RAET1G: variants seen among roughly 807,000 people sequenced by gnomAD.
The protein encoded by RAET1G is UL-16 binding protein 5.
RAET1G carries 25 observed loss-of-function variants against 29.5 expected under a neutral mutation model. The ratio of observed to expected loss-of-function variants is 0.85; its 90% CI spans 0.62 to 1.18. The LOEUF is 1.18. RAET1G is among the 50% of genes most tolerant of loss of function. The pLI, the probability that RAET1G is intolerant of heterozygous loss-of-function variation, is 0.00. For missense variants in RAET1G, 434 were observed against 423.6 expected, an observed-to-expected ratio of 1.02 and a Z score of -0.22; for synonymous variants, 167 against 159.5, an observed-to-expected ratio of 1.05 and a Z score of -0.36.
At chr6:149,920,096 G>C (rs1778563602) in intron 1 of RAET1G, among the ~76,000 whole-genome samples, 1 of 152,218 alleles carries the variant, frequency 6.6e-6, no homozygotes, top group African/African-American at 2.4e-5. Context: ...CCTTGCTAGA[G>C]AGGTGCCAGG....
intron 4 of RAET1G, among the ~76,000 whole-genome samples, chr6:149,917,322 C>A (rs1474088413): frequency 6.6e-6 from 1 of 152,178 alleles, no homozygotes; most frequent in Non-Finnish European, 1.5e-5. Context: ...GGAGCAGAGT[C>A]TTCTCTAACT....
At chr6:149,921,884 A>C (rs1284053719) in intron 1 of RAET1G, among the ~76,000 whole-genome samples, 17 of 152,138 alleles carry the variant, frequency 1.1e-4, no homozygotes, top group Admixed American at 1.1e-3. Flanking sequence ...TAGGGTCAGC[A>C]ACCTAGGACA....
chr6:149,919,187 G>T lies in RAET1G; in HGVS notation c.487C>A (p.Pro163Thr). 6.2e-7 allele frequency: 1 copy of T among 1,614,210 alleles called. No individual in the cohort carries two copies. The highest frequency in any genetic ancestry group is 8.5e-7 in the Non-Finnish European group (1 of 1,180,054). Residue 163 changes from proline to threonine, a missense_variant, in exon 3 of 5, where the codon CCT (proline) becomes ACT (threonine). Physicochemically the swap from Pro to Thr is conservative, Grantham distance 38 (BLOSUM62 -1). Coordinates refer to ENST00000367360, the MANE Select transcript of RAET1G (RefSeq NM_001001788.4). ...TTTTCTTTCATCTTTCTGGCTCCAGGATGAACCGTTGTCCACATTCTGTTT... is the reference window on the plus strand; with the variant it reads ...TTTTCTTTCATCTTTCTGGCTCCAGTATGAACCGTTGTCCACATTCTGTTT... ...SENRMWTTVH[P>T]GARKMKEKWE...
intron 1 of RAET1G, among the ~76,000 whole-genome samples, chr6:149,922,262 C>G (rs751711581): frequency 2.0e-5 from 3 of 152,070 alleles, no homozygotes; most frequent in Non-Finnish European, 2.9e-5. Flanking sequence ...GAAGGTGTCA[C>G]GTGGTGTAAG....
Position 149,919,039 on chromosome 6 carries a change from T to C in RAET1G, c.631+4A>G. 1 of 1,613,524 alleles carries C rather than the reference T, an allele frequency of 6.2e-7. No homozygotes were observed. Among genetic ancestry groups the C allele is most frequent in the Non-Finnish European group, 8.5e-7 (1 of 1,179,732 alleles). On this transcript the variant is annotated splice_donor_region_variant and intron_variant, in intron 3 of 4. Transcript: ENST00000367360. The stretch of plus-strand genomic sequence containing the variant: ...GAGATCCCCATTTCTTTTTCTCCTG[T>C]TACCTCCTGCACTTGGCTCCAGGGT...
intron 1 of RAET1G, among the ~76,000 whole-genome samples, chr6:149,921,210 C>T (rs1382497556): frequency 1.1e-4 from 17 of 152,226 alleles, no homozygotes; most frequent in Admixed American, 1.1e-3. Context: ...ATGAGCGAGG[C>T]TGGACCTGCC....
Position 149,917,073 on chromosome 6 carries a change from A to G in RAET1G, c.844T>C (p.Tyr282His), listed in dbSNP as rs1228005462. The G allele has an allele frequency of 2.6e-6, 4 of 1,545,412 alleles. No homozygotes were observed. The highest frequency in any genetic ancestry group is 2.6e-6 in the Non-Finnish European group (3 of 1,144,360). The change falls in exon 5 of 5, where the codon TAC (tyrosine) becomes CAC (histidine). Residue 282 changes from tyrosine (Y) to histidine (H), a missense_variant and splice_region_variant. By Grantham distance (83) the Tyr-to-His change is moderately conservative. Transcript: ENST00000367360. Reference protein sequence around the residue: ...LLRRVLWSDSYQIAKRPLSGG... With the variant: ...LLRRVLWSDSHQIAKRPLSGG... ...GACAAGGGGCGCTTCGCTATTTGGT[A>G]GCTGAGGCGGAGAGAGAGAGGACAG...
At chr6:149,920,019 C>G (rs1778561519) in intron 1 of RAET1G, among the ~76,000 whole-genome samples, 1 of 152,208 alleles carries the variant, frequency 6.6e-6, no homozygotes, top group African/African-American at 2.4e-5. Flanking sequence ...AGGTCCCTGC[C>G]TGCTGAGAAA....
At chr6:149,919,021 C>G in intron 3 of RAET1G, 22 bp downstream of exon 3, 1 of 1,612,510 alleles carries the variant, frequency 6.2e-7, no homozygotes, top group Non-Finnish European at 8.5e-7. Flanking sequence ...TTGGAGATCC[C>G]CATTTCTTTT....
intron 1 of RAET1G, among the ~76,000 whole-genome samples, chr6:149,921,180 C>A (rs1034153537): frequency 6.6e-6 from 1 of 152,244 alleles, no homozygotes; most frequent in Non-Finnish European, 1.5e-5. Context: ...AGCGCAAAGG[C>A]AGCCACAGGC....
chr6:149,919,820 T>C lies in RAET1G; in HGVS notation c.86-4A>G. The C allele has an allele frequency of 6.2e-7, 1 of 1,611,880 alleles. No homozygotes were observed. Among genetic ancestry groups the C allele is most frequent in the Non-Finnish European group, 8.5e-7 (1 of 1,179,818 alleles). On this transcript the variant is annotated splice_region_variant and splice_polypyrimidine_tract_variant and intron_variant, in intron 1 of 4. Coordinates refer to ENST00000367360, the MANE Select transcript of RAET1G (RefSeq NM_001001788.4). ...TCATAGCAAAGAGAGTGAGGGTCTG[T>C]GGAGAAAGGCAGGTGAGGGGTGGGT...
rs113178509 is a variant in RAET1G, at chr6:149,919,651, G to A, written c.251C>T (p.Thr84Ile). 2.1e-4 allele frequency: 335 copies of A among 1,614,006 alleles called. 1 individual carries two copies. The highest frequency in any genetic ancestry group is 1.7e-3 in the South Asian group (157 of 91,076). The change falls in exon 2 of 5, where the codon ACA (threonine) becomes ATA (isoleucine). Residue 84 changes from threonine (T) to isoleucine (I), a missense_variant. Physicochemically the swap from Thr to Ile is moderately conservative, Grantham distance 89 (BLOSUM62 -1). Coordinates refer to ENST00000367360, the MANE Select transcript of RAET1G (RefSeq NM_001001788.4). ...TGGGTTCTGTGCTTTCCAGGCCGTT[G>A]TGACATTTAGTTTCTTCCCCAGGGG... ...VSPLGKKLNV[T>I]TAWKAQNPVL... is the part of the protein sequence containing the mutation.
rs71656790 is a variant in RAET1G at position 149,923,080 on chromosome 6, T to TGTCTGAATGCAGCCC, written c.-85_-71dup. ...GTGGATCACCTGGCGGCTCGCAGGC[T>TGTCTGAATGCAGCCC]GTCTGAATGCAGCCCGTCTGAATGC... On this transcript the variant is annotated 5_prime_UTR_variant, in exon 1 of 5. Coordinates refer to ENST00000367360, the MANE Select transcript of RAET1G (RefSeq NM_001001788.4). The TGTCTGAATGCAGCCC allele has an allele frequency of 1.3e-5, 14 of 1,066,526 alleles. No individual in the cohort carries two copies. The highest frequency in any genetic ancestry group is 4.1e-4 in the Middle Eastern group (2 of 4,890). 66.1% of individuals were successfully genotyped at this position (1,066,526 alleles called of 1,614,324 possible).
At chr6:149,921,874 T>A (rs1778606918) in intron 1 of RAET1G, among the ~76,000 whole-genome samples, 1 of 152,140 alleles carries the variant, frequency 6.6e-6, no homozygotes, top group African/African-American at 2.4e-5. Flanking sequence ...TCCCCTCATC[T>A]AGGGTCAGCA....
At chr6:149,921,480 G>T in intron 1 of RAET1G, among the ~76,000 whole-genome samples, 1 of 152,216 alleles carries the variant, frequency 6.6e-6, no homozygotes, top group East Asian at 1.9e-4. Flanking sequence ...CACCCTCTAG[G>T]TCATTAGGAA....
Position 149,919,651 on chromosome 6 carries a change from G to T in RAET1G, c.251C>A (p.Thr84Lys). 6.2e-7 allele frequency: 1 copy of T among 1,614,008 alleles called. No homozygotes were observed. The highest frequency in any genetic ancestry group is 8.5e-7 in the Non-Finnish European group (1 of 1,179,886). The change falls in exon 2 of 5, where the codon ACA becomes AAA. Residue 84 changes from threonine to lysine, a missense_variant. By Grantham distance (78) the Thr-to-Lys change is moderately conservative. Transcript: ENST00000367360. ...VSPLGKKLNV[T>K]TAWKAQNPVL... is the part of the protein sequence containing the mutation. ...TGGGTTCTGTGCTTTCCAGGCCGTT[G>T]TGACATTTAGTTTCTTCCCCAGGGG...
At chr6:149,921,173 G>A (rs1002313082) in intron 1 of RAET1G, among the ~76,000 whole-genome samples, 1 of 152,208 alleles carries the variant, frequency 6.6e-6, no homozygotes. Context: ...CTGTTGAAGC[G>A]CAAAGGCAGC....
At chr6:149,922,478 A>G (rs9397071) in intron 1 of RAET1G, among the ~76,000 whole-genome samples, 35,683 of 151,952 alleles carry the variant, frequency 0.23, 5,807 homozygotes, top group East Asian at 0.54. Context: ...GGGTGCTGGA[A>G]GGTTTGTGTG....
Position 149,919,112 on chromosome 6 carries a change from C to A in RAET1G, c.562G>T (p.Gly188Ter), listed in dbSNP as rs373677501. 1.4e-5 allele frequency: 22 copies of A among 1,614,054 alleles called. No individual in the cohort carries two copies. Among genetic ancestry groups the A allele is most frequent in the African/African-American group, 5.3e-5 (4 of 74,910 alleles). The change falls in exon 3 of 5, where the codon GGA becomes TGA. Residue 188 changes from glycine to a stop codon, truncating the protein, a stop_gained. Coordinates refer to ENST00000367360, the MANE Select transcript of RAET1G (RefSeq NM_001001788.4). LOFTEE classifies it high-confidence loss of function. The stretch of plus-strand genomic sequence containing the variant: ...TCCTCAAGCCATCCTGTGCAGTCTC[C>A]CATTGAGATGTAATGGAAGGACATG... ...MTMSFHYISM[G>*]DCTGWLEDFL...
Sources: gnomAD v4.1 joint callset for allele counts (sites outside exome capture counted in the v4.1 genomes callset) on GRCh38, gnomAD v4.1.1 for gene constraint, MANE v1.5 for transcripts, NCBI Gene and HGNC (gene_info 2026-07-23, HGNC 2026-07-21) for gene names.